Variants in ATG4B observed in about 807,000 individuals in gnomAD.
ATG4B encodes the protein cysteine protease ATG4B.
ATG4B carries 29 observed loss-of-function variants against 56.6 expected under a neutral mutation model. That is an observed-to-expected ratio of 0.51 (90% CI 0.38 to 0.70). The LOEUF (loss-of-function observed/expected upper bound fraction) is 0.70, where lower values mean the gene tolerates loss of function less well. ATG4B is among the 30% of genes least tolerant of loss of function. The pLI, the probability that ATG4B is intolerant of heterozygous loss-of-function variation, is 0.00. For missense variants in ATG4B, 461 were observed against 515.5 expected (o/e 0.89, Z 1.02); for synonymous variants, 224 against 206.1 (o/e 1.09, Z -0.74).
At chr2:241,644,948 A>G (rs1229540307) in intron 1 of ATG4B, among the ~76,000 whole-genome samples, 1 of 66,996 alleles carries the variant, frequency 1.5e-5, no homozygotes, top group African/African-American at 6.6e-5. Context: ...ACTCCATCTC[A>G]AAAAAAAAAA....
rs746025697 is a variant in ATG4B, at chr2:241,673,253, T to C, written c.*989T>C. ...CAGGGTGGCATCACCTGGTGGCATT[T>C]CCAGAACCTCAGCCCCGATTCCAGC... On this transcript the variant is annotated 3_prime_UTR_variant, in exon 13 of 13. Transcript: ENST00000404914. The C allele has an allele frequency of 1.5e-4, 47 of 320,662 alleles. No homozygotes were observed. Among genetic ancestry groups the C allele is most frequent in the Non-Finnish European group, 1.4e-4 (22 of 160,034 alleles). The allele number at this position is 320,662 out of a possible 1,614,324, so 19.9% of individuals were successfully genotyped here. A position where few individuals can be genotyped will look rare whatever the true frequency, so the allele number is the denominator to read the frequency against.
intron 12 of ATG4B, 137 bp from the exon 13 acceptor site, chr2:241,672,054 G>T: frequency 6.8e-7 from 1 of 1,466,938 alleles, no homozygotes; most frequent in South Asian, 1.4e-5. Flanking sequence ...CCCCGGACCT[G>T]TTCACACCCG....
At chr2:241,659,080 C>G in intron 6 of ATG4B, 28 bp from the exon 7 acceptor site, 3 of 1,551,104 alleles carry the variant, frequency 1.9e-6, no homozygotes, top group Non-Finnish European at 2.6e-6. Flanking sequence ...TGTACAAAAG[C>G]TTATGGTCAT....
chr2:241,645,445 T>C (rs545450352), intron 1 of ATG4B, among the ~76,000 whole-genome samples: 2 of 152,306 alleles, frequency 1.3e-5, no homozygotes, highest in South Asian at 4.1e-4. Flanking sequence ...CACCTCTGCT[T>C]ACAGAATACC....
At chr2:241,666,283 GC>G (rs2125143271) in intron 7 of ATG4B, among the ~76,000 whole-genome samples, 1 of 152,362 alleles carries the variant, frequency 6.6e-6, no homozygotes, top group South Asian at 2.1e-4. Flanking sequence ...TGCTGAGGAG[GC>G]CCGGAGGGAG....
intron 1 of ATG4B, among the ~76,000 whole-genome samples, chr2:241,639,075 G>A (rs977602537): frequency 6.6e-6 from 1 of 152,140 alleles, no homozygotes; most frequent in African/African-American, 2.4e-5. Flanking sequence ...ACTATGGCAC[G>A]GATACCATGG....
chr2:241,653,352 G>A (rs754861776), intron 3 of ATG4B, 160 bp from the exon 4 acceptor site: 21 of 1,549,912 alleles, frequency 1.4e-5, no homozygotes, highest in East Asian at 4.9e-5. Flanking sequence ...GGCCCTTGGC[G>A]TTACTGAGTC....
At chr2:241,660,844 C>T (rs374537628) in intron 7 of ATG4B, among the ~76,000 whole-genome samples, 1 of 152,188 alleles carries the variant, frequency 6.6e-6, no homozygotes, top group South Asian at 2.1e-4. Flanking sequence ...CACTTACCCC[C>T]TCGTTCCGCA....
intron 7 of ATG4B, among the ~76,000 whole-genome samples, chr2:241,661,639 GCTT>G (rs2068596753): frequency 6.6e-6 from 1 of 152,202 alleles, no homozygotes; most frequent in Non-Finnish European, 1.5e-5. Flanking sequence ...TTCCACTAAA[GCTT>G]CTTCCTGCAG....
rs140829069 is a variant in ATG4B, at chr2:241,664,318, C to G, written c.539-2327C>G. ...TGGAGGCAGGCAGATTGCTTGAGTC[C>G]AGGAGTTTGAGACCAGCCGCCTAGG... On this transcript the variant is annotated intron_variant, in intron 7 of 12. Coordinates refer to ENST00000404914, the MANE Select transcript of ATG4B (RefSeq NM_013325.5). Among the ~76,000 whole-genome samples, 58 of 152,206 alleles carry G rather than the reference C, an allele frequency of 3.8e-4. No homozygotes were observed. In the East Asian group the frequency reaches 0.01, roughly 27 times the overall value.
intron 12 of ATG4B, 125 bp from the exon 13 acceptor site, chr2:241,672,066 A>G (rs1294990563): frequency 2.1e-6 from 3 of 1,446,454 alleles, no homozygotes; most frequent in Non-Finnish European, 2.7e-6. Flanking sequence ...TCACACCCGC[A>G]TGGGGACAGC....
intron 1 of ATG4B, among the ~76,000 whole-genome samples, chr2:241,643,248 A>C (rs1358557131): frequency 1.3e-5 from 2 of 151,386 alleles, no homozygotes; most frequent in Non-Finnish European, 2.9e-5. Flanking sequence ...TTCATCGCTC[A>C]GACTGGAGTA....
At chr2:241,672,123 A>G (rs2068997546) in intron 12 of ATG4B, 68 bp from the exon 13 acceptor site, 1 of 1,543,648 alleles carries the variant, frequency 6.5e-7, no homozygotes, top group Non-Finnish European at 8.8e-7. Context: ...CCCCACGCCA[A>G]GGGCCCTTGA....
At chr2:241,643,099 G>C (rs1304168937) in intron 1 of ATG4B, among the ~76,000 whole-genome samples, 4 of 151,688 alleles carry the variant, frequency 2.6e-5, no homozygotes. Flanking sequence ...TGGCCAGGCT[G>C]TTCTCGAACT....
chr2:241,643,909 C>T (rs1302398705), intron 1 of ATG4B, among the ~76,000 whole-genome samples: 1 of 152,132 alleles, frequency 6.6e-6, no homozygotes, highest in East Asian at 1.9e-4. Context: ...TCAGGAGCTA[C>T]ATGAATTACC....
chr2:241,639,335 G>A (rs34618534), intron 1 of ATG4B, among the ~76,000 whole-genome samples: 1 of 151,964 alleles, frequency 6.6e-6, no homozygotes, highest in Non-Finnish European at 1.5e-5. Flanking sequence ...CCAAGAGGGG[G>A]TGTTGCAGAG....
At position 241,673,829 on chromosome 2, in the gene ATG4B, G is replaced by T. The variant is rs1032252486; in HGVS notation, c.*1565G>T. 2 of 426,856 alleles carry T rather than the reference G, an allele frequency of 4.7e-6. No homozygotes were observed. The highest frequency in any genetic ancestry group is 9.7e-6 in the Non-Finnish European group (2 of 206,738). 26.4% of individuals were successfully genotyped at this position (426,856 alleles called of 1,614,324 possible). A position where few individuals can be genotyped will look rare whatever the true frequency, so the allele number is the denominator to read the frequency against. Reference sequence around the variant, plus strand: ...GTAGTATAGTTTGCAATTCTTAATGGCAAATAATAAGTTTCAGTAGAAAAC... The same window carrying T: ...GTAGTATAGTTTGCAATTCTTAATGTCAAATAATAAGTTTCAGTAGAAAAC... On this transcript the variant is annotated 3_prime_UTR_variant, in exon 13 of 13. Coordinates refer to ENST00000404914, the MANE Select transcript of ATG4B (RefSeq NM_013325.5).
Position 241,671,378 on chromosome 2 carries a change from T to C in ATG4B, c.1081T>C (p.Cys361Arg). Residue 361 changes from cysteine to arginine, a missense_variant, in exon 12 of 13, where the codon TGC becomes CGC. Coordinates refer to ENST00000404914, the MANE Select transcript of ATG4B (RefSeq NM_013325.5). ...GGAGCTGCAGCCTTCACATCTGGCC[T>C]GCCCCGACGTCCTGAACCTGTCCCT... ...LVELQPSHLA[C>R]PDVLNLSLDS... The C allele has an allele frequency of 6.2e-7, 1 of 1,613,720 alleles. No individual in the cohort carries two copies. The highest frequency in any genetic ancestry group is 1.7e-5 in the Admixed American group (1 of 59,984).
chr2:241,665,281 C>T (rs2068727339), intron 7 of ATG4B, among the ~76,000 whole-genome samples: 1 of 152,168 alleles, frequency 6.6e-6, no homozygotes, highest in African/African-American at 2.4e-5. Context: ...GAGCAAGCCT[C>T]CTACGAATGA....
Sources: gnomAD v4.1 joint callset for allele counts (sites outside exome capture counted in the v4.1 genomes callset) on GRCh38, gnomAD v4.1.1 for gene constraint, MANE v1.5 for transcripts, NCBI Gene and HGNC (gene_info 2026-07-23, HGNC 2026-07-21) for gene names.